BBS9: variants seen among roughly 807,000 people sequenced by gnomAD.
BBS9 encodes protein PTHB1.
A neutral mutation model predicts 117.7 loss-of-function variants in BBS9; 89 were observed. The ratio of observed to expected loss-of-function variants is 0.76; its 90% CI spans 0.64 to 0.90. The LOEUF is 0.90. Among genes scored for constraint, BBS9 ranks in the 40% least tolerant of loss-of-function variants. The probability of loss-of-function intolerance (pLI) is 0.00; values close to 1 mark genes in which losing one functional copy is unlikely to be tolerated. For synonymous variants in BBS9, 379 were observed against 370.9 expected, an observed-to-expected ratio of 1.02 and a Z score of -0.25; for missense variants, 982 against 1,042.2, an observed-to-expected ratio of 0.94 and a Z score of 0.80.
At position 33,134,357 on chromosome 7, in the gene BBS9, G is replaced by A. The variant is rs376074560; in HGVS notation, c.-12+4316G>A. 7.3e-5 allele frequency among the ~76,000 whole-genome samples: 11 copies of A among 151,538 alleles called. No homozygotes were observed. In the East Asian group the frequency reaches 7.8e-4, roughly 11 times the overall value. ...TGGGATTACAGGCGTGAGCCACTGCGCCTGGCCTTGAGCATCTTTTTATGT... is the reference window on the plus strand; with the variant it reads ...TGGGATTACAGGCGTGAGCCACTGCACCTGGCCTTGAGCATCTTTTTATGT... On this transcript the variant is annotated intron_variant, in intron 1 of 22. Coordinates refer to ENST00000242067, the MANE Select transcript of BBS9 (RefSeq NM_198428.3).
chr7:33,245,044 A>G (rs1795122372), intron 5 of BBS9, among the ~76,000 whole-genome samples: 1 of 152,156 alleles, frequency 6.6e-6, no homozygotes, highest in Non-Finnish European at 1.5e-5. Context: ...AGGCTCTAAT[A>G]ATTACTAGAG....
intron 21 of BBS9, among the ~76,000 whole-genome samples, chr7:33,616,483 G>A (rs1865139665): frequency 7.2e-6 from 1 of 139,376 alleles, no homozygotes; most frequent in Admixed American, 7.1e-5. Flanking sequence ...TAATATATGT[G>A]TGTGTGTGTG....
At chr7:33,418,465 T>C (rs1410895060) in intron 19 of BBS9, among the ~76,000 whole-genome samples, 1 of 152,218 alleles carries the variant, frequency 6.6e-6, no homozygotes, top group Non-Finnish European at 1.5e-5. Flanking sequence ...TCTATTTCTT[T>C]TTTGCCAACC....
chr7:33,136,132 T>C (rs1420785353), intron 1 of BBS9, among the ~76,000 whole-genome samples: 1 of 152,156 alleles, frequency 6.6e-6, no homozygotes, highest in Non-Finnish European at 1.5e-5. Flanking sequence ...TAAATGTAAT[T>C]ATTTTTAAAA....
At chr7:33,611,862 G>A (rs1023495773) in intron 21 of BBS9, among the ~76,000 whole-genome samples, 6 of 137,622 alleles carry the variant, frequency 4.4e-5, no homozygotes, top group Non-Finnish European at 9.2e-5. Flanking sequence ...AATATATAAA[G>A]GAATAAATAT....
rs1323476718 is a variant in BBS9 at position 33,129,727 on chromosome 7, C to G, written c.-326C>G. ...TTGTTCTCGCCTGCCTAGTGTCTTC[C>G]AAGGGATAGATGCCGTTTCCTCTGC... On this transcript the variant is annotated 5_prime_UTR_variant, in exon 1 of 23. Transcript: ENST00000242067. The G allele has an allele frequency of 6.6e-6, 1 of 152,520 alleles. No homozygotes were observed. The highest frequency in any genetic ancestry group is 2.4e-5 in the African/African-American group (1 of 41,360). 9.4% of individuals were successfully genotyped at this position (152,520 alleles called of 1,614,324 possible).
chr7:33,362,965 C>T (rs528650067), intron 16 of BBS9, among the ~76,000 whole-genome samples: 2 of 152,120 alleles, frequency 1.3e-5, no homozygotes, highest in South Asian at 4.2e-4. Flanking sequence ...TATTTTGTTT[C>T]TCTCTGTGAG....
chr7:33,495,413 G>A (rs1844570738), intron 19 of BBS9, among the ~76,000 whole-genome samples: 1 of 152,222 alleles, frequency 6.6e-6, no homozygotes, highest in African/African-American at 2.4e-5. Flanking sequence ...ATGTCTGCAT[G>A]TAGGAATGTG....
intron 19 of BBS9, among the ~76,000 whole-genome samples, chr7:33,408,155 C>T (rs1830409881): frequency 6.6e-6 from 1 of 152,236 alleles, no homozygotes; most frequent in African/African-American, 2.4e-5. Flanking sequence ...GCGCCCCTCC[C>T]CCAGCCTCGC....
chr7:33,275,787 T>C (rs1800661649), intron 9 of BBS9, among the ~76,000 whole-genome samples: 2 of 152,214 alleles, frequency 1.3e-5, no homozygotes, highest in Admixed American at 6.5e-5. Context: ...CTGAGAAAAG[T>C]GCAAAGGTAT....
intron 5 of BBS9, among the ~76,000 whole-genome samples, chr7:33,195,265 T>C (rs1320118877): frequency 1.3e-5 from 2 of 152,196 alleles, no homozygotes; most frequent in Non-Finnish European, 2.9e-5. Flanking sequence ...AGACATTTGA[T>C]TGGGCAGGGC....
At chr7:33,464,387 T>C (rs1341956363) in intron 19 of BBS9, among the ~76,000 whole-genome samples, 1 of 152,092 alleles carries the variant, frequency 6.6e-6, no homozygotes, top group Non-Finnish European at 1.5e-5. Context: ...GAGTAATATC[T>C]CTTTTCTTCA....
At chr7:33,322,911 C>T (rs879358379) in intron 9 of BBS9, among the ~76,000 whole-genome samples, 2 of 151,888 alleles carry the variant, frequency 1.3e-5, no homozygotes, top group Non-Finnish European at 2.9e-5. Context: ...TTGCTGTATC[C>T]CATAGGTTTT....
chr7:33,533,322 C>A (rs1290765993), intron 20 of BBS9, among the ~76,000 whole-genome samples: 1 of 152,174 alleles, frequency 6.6e-6, no homozygotes, highest in Non-Finnish European at 1.5e-5. Context: ...AAAGTGGGGG[C>A]AATGGCCTAC....
At chr7:33,421,291 G>A (rs992510531) in intron 19 of BBS9, among the ~76,000 whole-genome samples, 2 of 151,848 alleles carry the variant, frequency 1.3e-5, no homozygotes, top group Admixed American at 6.6e-5. Flanking sequence ...CTTTGAATTT[G>A]TTTAGAAGAA....
At chr7:33,490,474 G>A (rs1223922843) in intron 19 of BBS9, among the ~76,000 whole-genome samples, 1 of 152,080 alleles carries the variant, frequency 6.6e-6, no homozygotes, top group Admixed American at 6.5e-5. Context: ...AATTATACAT[G>A]GATATCAACT....
intron 12 of BBS9, chr7:33,346,373 G>A (rs1050848650): frequency 7.7e-6 from 3 of 390,066 alleles, no homozygotes; most frequent in Non-Finnish European, 1.5e-5. Context: ...GCAACTAGGC[G>A]AGTGGTTGTT....
intron 21 of BBS9, among the ~76,000 whole-genome samples, chr7:33,594,755 T>C (rs181731398): frequency 9.2e-5 from 14 of 152,176 alleles, no homozygotes; most frequent in Admixed American, 2.6e-4. Flanking sequence ...GTAAGCAAAA[T>C]GTTCCATTCC....
rs1563215445 is a variant in BBS9, at chr7:33,467,567, A to ACCCCC, written c.2116-37895_2116-37894insCCCCC. Among the ~76,000 whole-genome samples, 44 of 59,506 alleles carry ACCCCC rather than the reference A, an allele frequency of 7.4e-4. 1 individual carries two copies. Among genetic ancestry groups the ACCCCC allele is most frequent in the African/African-American group, 1.4e-3 (37 of 27,300 alleles). The allele number at this position is 59,506 out of a possible 152,430, so 39.0% of individuals were successfully genotyped here. On this transcript the variant is annotated intron_variant, in intron 19 of 22. Coordinates refer to ENST00000242067, the MANE Select transcript of BBS9 (RefSeq NM_198428.3). ...TCACCAGTGCTGTGGGAACCCCCCA[A>ACCCCC]CTCCGCCACCTCCACTATTGTAGTT... is the stretch of plus-strand genomic sequence containing the variant.
Sources: gnomAD v4.1 joint callset for allele counts (sites outside exome capture counted in the v4.1 genomes callset) on GRCh38, gnomAD v4.1.1 for gene constraint, MANE v1.5 for transcripts, NCBI Gene and HGNC (gene_info 2026-07-23, HGNC 2026-07-21) for gene names.